The following SGCD variants were observed in gnomAD, a reference collection of about 807,000 sequenced individuals.
The protein encoded by SGCD is delta-sarcoglycan.
In SGCD, 18 loss-of-function variants were observed where a neutral mutation model predicts 36.6. The ratio of observed to expected loss-of-function variants is 0.49; its 90% CI spans 0.34 to 0.73. The LOEUF is 0.73. Among genes scored for constraint, SGCD ranks in the 30% least tolerant of loss-of-function variants. SGCD has a pLI of 0.01. For synonymous variants in SGCD, 133 were observed against 130.6 expected, an observed-to-expected ratio of 1.02 and a Z score of -0.12; for missense variants, 387 against 346.7, an observed-to-expected ratio of 1.12 and a Z score of -0.92.
At chr5:156,689,281 A>G (rs988911871) in intron 7 of SGCD, among the ~76,000 whole-genome samples, 4 of 152,198 alleles carry the variant, frequency 2.6e-5, no homozygotes, top group African/African-American at 9.6e-5. Flanking sequence ...AATGTTGTTT[A>G]AAAAACAGAT....
chr5:156,212,827 A>G (rs756932136), intron 3 of SGCD, among the ~76,000 whole-genome samples: 3 of 152,158 alleles, frequency 2.0e-5, no homozygotes, highest in Non-Finnish European at 4.4e-5. Context: ...GCCTGAAACT[A>G]GAAATCAATA....
At chr5:156,506,417 A>G (rs1756696405) in intron 3 of SGCD, among the ~76,000 whole-genome samples, 1 of 152,118 alleles carries the variant, frequency 6.6e-6, no homozygotes, top group Admixed American at 6.6e-5. Context: ...GCAGAAACAA[A>G]GGCTCATCCA....
At position 156,334,142 on chromosome 5, in the gene SGCD, T is replaced by A. The variant is rs138710990; in HGVS notation, c.3+4563T>A. Among the ~76,000 whole-genome samples the A allele has an allele frequency of 2.7e-3, 410 of 152,224 alleles. 2 individuals carry two copies. Among genetic ancestry groups the A allele is most frequent in the Admixed American group, 4.6e-3 (71 of 15,282 alleles). On this transcript the variant is annotated intron_variant, in intron 2 of 8. Transcript: ENST00000337851. Reference sequence around the variant, plus strand: ...ATTATTATTTTATTACACAGCTTGGTCCCCAAGTCACAGAAGAGCTGTAGT... The same window carrying A: ...ATTATTATTTTATTACACAGCTTGGACCCCAAGTCACAGAAGAGCTGTAGT...
intron 1 of SGCD, among the ~76,000 whole-genome samples, chr5:155,964,023 T>C (rs1177742989): frequency 6.6e-6 from 1 of 152,078 alleles, no homozygotes; most frequent in African/African-American, 2.4e-5. Context: ...CAAAAGTCAA[T>C]GGCTACTTTC....
At chr5:156,610,359 A>G (rs1256994146) in intron 6 of SGCD, among the ~76,000 whole-genome samples, 1 of 152,146 alleles carries the variant, frequency 6.6e-6, no homozygotes, top group African/African-American at 2.4e-5. Context: ...AGAACAGCAG[A>G]TATTGGTGAA....
chr5:156,225,565 TAGTC>T (rs1169029189), intron 3 of SGCD, among the ~76,000 whole-genome samples: 3 of 152,164 alleles, frequency 2.0e-5, no homozygotes, highest in Non-Finnish European at 4.4e-5. Flanking sequence ...TAGGGCCACT[TAGTC>T]AGCATCCTTA....
Position 156,597,533 on chromosome 5 carries a change from C to G in SGCD, c.502+2482C>G, listed in dbSNP as rs1277314500. Among the ~76,000 whole-genome samples, 3 of 152,096 alleles carry G rather than the reference C, an allele frequency of 2.0e-5. No homozygotes were observed. In the South Asian group the frequency reaches 6.2e-4, roughly 32 times the overall value. ...TCATAAGAACAGCCTAGGAAAAAAC[C>G]CACCCCTATGATTCAATTATCTCCA... On this transcript the variant is annotated intron_variant, in intron 6 of 8. Transcript: ENST00000337851.
the SGCD span, among the ~76,000 whole-genome samples, chr5:155,730,476 G>GTGTGTGT: frequency 1.3e-4 from 3 of 22,460 alleles, no homozygotes; most frequent in Non-Finnish European, 3.1e-4. Context: ...TGTGTGTGTG[G>GTGTGTGT]CGAGGGGAAA....
chr5:156,449,569 C>A (rs149384930), intron 3 of SGCD, among the ~76,000 whole-genome samples: 441 of 151,086 alleles, frequency 2.9e-3, no homozygotes, highest in African/African-American at 0.01. Context: ...TGGTAGCTCA[C>A]GCCTGTAATC....
At chr5:155,926,742 C>T (rs376093461) in intron 1 of SGCD, among the ~76,000 whole-genome samples, 1 of 151,918 alleles carries the variant, frequency 6.6e-6, no homozygotes, top group African/African-American at 2.4e-5. Context: ...CACATCTGTA[C>T]CCATTAAAAT....
chr5:156,094,106 G>T (rs950450591), intron 1 of SGCD, among the ~76,000 whole-genome samples: 2 of 152,130 alleles, frequency 1.3e-5, no homozygotes, highest in Non-Finnish European at 2.9e-5. Context: ...CTCCTTCTAG[G>T]TCTGGCTCCT....
intron 3 of SGCD, among the ~76,000 whole-genome samples, chr5:156,154,051 C>T (rs1762891033): frequency 6.6e-6 from 1 of 151,556 alleles, no homozygotes; most frequent in African/African-American, 2.4e-5. Context: ...GCCCCTTGTT[C>T]CCTGCCCCTA....
intron 1 of SGCD, among the ~76,000 whole-genome samples, chr5:156,075,965 C>CT (rs999198134): frequency 2.0e-5 from 3 of 152,104 alleles, no homozygotes; most frequent in Non-Finnish European, 4.4e-5. Flanking sequence ...CTAAACTAAT[C>CT]TTTTTTATTA....
intron 7 of SGCD, among the ~76,000 whole-genome samples, chr5:156,649,978 G>A (rs1017385393): frequency 2.0e-5 from 3 of 152,172 alleles, no homozygotes; most frequent in African/African-American, 7.2e-5. Context: ...GAGATAGGCT[G>A]TCTTGGCTTT....
intron 1 of SGCD, among the ~76,000 whole-genome samples, chr5:155,942,580 A>T (rs999308750): frequency 1.3e-5 from 2 of 152,186 alleles, no homozygotes; most frequent in African/African-American, 4.8e-5. Flanking sequence ...TATGAAGGCT[A>T]AAATAATTGA....
At chr5:156,423,121 A>T (rs1219540796) in intron 3 of SGCD, among the ~76,000 whole-genome samples, 2 of 133,882 alleles carry the variant, frequency 1.5e-5, no homozygotes, top group East Asian at 4.1e-4. Context: ...AAAAGGAAAT[A>T]TTAATTAATT....
chr5:156,747,876 A>C (rs1474604322), intron 7 of SGCD, among the ~76,000 whole-genome samples: 2 of 152,132 alleles, frequency 1.3e-5, no homozygotes, highest in East Asian at 3.9e-4. Flanking sequence ...TAACCTAGTC[A>C]TTCCACTCGA....
rs544650924 is a variant in SGCD at position 156,091,006 on chromosome 5, T to C, written c.-281-26872T>C. On this transcript the variant is annotated intron_variant, in intron 1 of 9. Transcript: ENST00000517913. Reference sequence around the variant, plus strand: ...TTCTTTTTCAGGGTGCCCTGATTTGTTTGATTGTTCAAACACACGTTTTGC... The same window carrying C: ...TTCTTTTTCAGGGTGCCCTGATTTGCTTGATTGTTCAAACACACGTTTTGC... Among the ~76,000 whole-genome samples, 3 of 152,314 alleles carry C rather than the reference T, an allele frequency of 2.0e-5. No homozygotes were observed. The South Asian group carries it at 6.2e-4, about 32-fold the overall frequency.
chr5:156,332,149 C>T (rs1768095939), intron 2 of SGCD, among the ~76,000 whole-genome samples: 1 of 152,200 alleles, frequency 6.6e-6, no homozygotes, highest in African/African-American at 2.4e-5. Context: ...TGGCTGAGAC[C>T]TTCAAAAGTT....
Sources: gnomAD v4.1 joint callset for allele counts (sites outside exome capture counted in the v4.1 genomes callset) on GRCh38, gnomAD v4.1.1 for gene constraint, MANE v1.5 for transcripts, NCBI Gene and HGNC (gene_info 2026-07-23, HGNC 2026-07-21) for gene names.